FBXL16: variants seen among roughly 807,000 people sequenced by gnomAD.
FBXL16 encodes the protein F-box/LRR-repeat protein 16.
FBXL16 carries 7 observed loss-of-function variants against 36.7 expected under a neutral mutation model. The ratio of observed to expected loss-of-function variants is 0.19; its 90% CI spans 0.11 to 0.36. The LOEUF (loss-of-function observed/expected upper bound fraction) is 0.36. Among genes scored for constraint, FBXL16 ranks in the 10% least tolerant of loss-of-function variants. The pLI, the probability that FBXL16 is intolerant of heterozygous loss-of-function variation, is 1.00. For missense variants in FBXL16, 463 were observed against 659.4 expected (o/e 0.70, Z 3.26); for synonymous variants, 355 against 308.7 (o/e 1.15, Z -1.57).
intron 3 of FBXL16, 21 bp downstream of exon 3, chr16:695,394 G>C: frequency 1.3e-6 from 2 of 1,505,132 alleles, no homozygotes; most frequent in Middle Eastern, 2.0e-4. Context: ...GCCCCGCCCG[G>C]CGCGGCCCGG....
At chr16:704,827 C>G (rs2040079927) in intron 1 of FBXL16, among the ~76,000 whole-genome samples, 1 of 152,228 alleles carries the variant, frequency 6.6e-6, no homozygotes, top group Non-Finnish European at 1.5e-5. Flanking sequence ...GCCGCTGGGC[C>G]GTCAGTTCCT....
chr16:702,216 C>T (rs926348443), intron 1 of FBXL16, among the ~76,000 whole-genome samples: 12 of 152,140 alleles, frequency 7.9e-5, no homozygotes, highest in African/African-American at 2.9e-4. Context: ...GATGCCACAG[C>T]CCAGCCATGC....
At position 694,244 on chromosome 16, in the gene FBXL16, G is replaced by A; in HGVS notation, c.*31C>T. On this transcript the variant is annotated 3_prime_UTR_variant, in exon 6 of 6. Transcript: ENST00000397621. Reference sequence around the variant, plus strand: ...CCGCGCCCCCGCCCAGGTCATGGCCGGGTTCCCGCGACCGGGGCGGGGGCC... The same window carrying A: ...CCGCGCCCCCGCCCAGGTCATGGCCAGGTTCCCGCGACCGGGGCGGGGGCC... 1 of 1,314,212 alleles carries A rather than the reference G, an allele frequency of 7.6e-7. No homozygotes were observed. The allele number at this position is 1,314,212 out of a possible 1,614,324, so 81.4% of individuals were successfully genotyped here.
Position 696,788 on chromosome 16 carries a change from C to T in FBXL16, c.618G>A (p.Thr206=), listed in dbSNP as rs749578968. ...TGGTGCACACCTCGAGGCCTGCGTC[C>T]GTGATGGTGGAGCGCTTGAGGCTCA... ...KAMSLKRSTI[T]DAGLEVMLEQ... is the part of the protein sequence containing the mutation. The change falls in exon 2 of 6, where the codon ACG becomes ACA. Residue 206 remains threonine (T), a synonymous_variant. Transcript: ENST00000397621. 70 of 1,369,320 alleles carry T rather than the reference C, an allele frequency of 5.1e-5. 1 individual carries two copies. The Middle Eastern group carries it at 5.7e-4, about 11-fold the overall frequency. The allele number at this position is 1,369,320 out of a possible 1,614,324, so 84.8% of individuals were successfully genotyped here. A position where few individuals can be genotyped will look rare whatever the true frequency, so the allele number is the denominator to read the frequency against.
At chr16:701,575 C>T (rs1173939194) in intron 1 of FBXL16, among the ~76,000 whole-genome samples, 2 of 152,222 alleles carry the variant, frequency 1.3e-5, no homozygotes, top group Non-Finnish European at 2.9e-5. Flanking sequence ...GGGGCTCACA[C>T]AAGGGCCCCT....
At chr16:694,572 C>A (rs2039995878) in intron 5 of FBXL16, 62 bp downstream of exon 5, 3 of 1,537,408 alleles carry the variant, frequency 2.0e-6, no homozygotes, top group Admixed American at 1.9e-5. Context: ...GCAGGTTGGG[C>A]GGGTGGACTA....
At position 696,636 on chromosome 16, in the gene FBXL16, T is replaced by A. The variant is rs1218706219; in HGVS notation, c.633+137A>T. The A allele has an allele frequency of 8.3e-6, 4 of 479,312 alleles. No individual in the cohort carries two copies. The East Asian group carries it at 2.4e-4, about 29-fold the overall frequency. 29.7% of individuals were successfully genotyped at this position (479,312 alleles called of 1,614,324 possible). On this transcript the variant is annotated intron_variant, in intron 2 of 5. Coordinates refer to ENST00000397621, the MANE Select transcript of FBXL16 (RefSeq NM_153350.4). ...GTGTCTTTGAACAAGGGACCCACAT[T>A]TTCGCTTTGCGCGAGGTCCCCTGTA...
chr16:695,093 G>A lies in FBXL16; in HGVS notation c.1143-17C>T. On this transcript the variant is annotated splice_polypyrimidine_tract_variant and intron_variant, in intron 3 of 5. Coordinates refer to ENST00000397621, the MANE Select transcript of FBXL16 (RefSeq NM_153350.4). ...CGTACACACCTGTGGTTGCACCAGA[G>A]GGGACCCCCACCTTCAAATCACCTG... 6.2e-7 allele frequency: 1 copy of A among 1,600,842 alleles called. No individual in the cohort carries two copies. Among genetic ancestry groups the A allele is most frequent in the Non-Finnish European group, 8.5e-7 (1 of 1,174,058 alleles).
In FBXL16 at chr16:694,542, TGA is replaced by T. The variant is rs2039995660; in HGVS notation, c.1291+90_1291+91del. On this transcript the variant is annotated intron_variant, in intron 5 of 5. Coordinates refer to ENST00000397621, the MANE Select transcript of FBXL16 (RefSeq NM_153350.4). ...CGGGACTGTGTGTCCGCGCCGGGTG[TGA>T]GTTTGCACAAGGACCGGGCAGGTTG... 2.0e-6 allele frequency: 3 copies of T among 1,517,598 alleles called. No individual in the cohort carries two copies. In the East Asian group the frequency reaches 7.4e-5, roughly 37 times the overall value. 94.0% of individuals were successfully genotyped at this position (1,517,598 alleles called of 1,614,324 possible).
rs1017064265 is a variant in FBXL16 at position 697,450 on chromosome 16, T to C, written c.-14-31A>G. Reference sequence around the variant, plus strand: ...GATGAGGGCCGGGAGGGGGAGTGAGTCTGTTGCTGAGTCTGGAAGGCCGGG... The same window carrying C: ...GATGAGGGCCGGGAGGGGGAGTGAGCCTGTTGCTGAGTCTGGAAGGCCGGG... On this transcript the variant is annotated intron_variant, in intron 1 of 5. Coordinates refer to ENST00000397621, the MANE Select transcript of FBXL16 (RefSeq NM_153350.4). This position sits in a 1 kb window ranked among gnomAD's most constrained non-coding sequence, Gnocchi z 4.6. The C allele has an allele frequency of 6.7e-7, 1 of 1,500,012 alleles. No individual in the cohort carries two copies. Among genetic ancestry groups the C allele is most frequent in the African/African-American group, 1.4e-5 (1 of 71,678 alleles). The allele number at this position is 1,500,012 out of a possible 1,614,324, so 92.9% of individuals were successfully genotyped here.
intron 1 of FBXL16, among the ~76,000 whole-genome samples, chr16:703,452 G>A (rs1177113073): frequency 6.6e-6 from 1 of 152,222 alleles, no homozygotes; most frequent in Non-Finnish European, 1.5e-5. Context: ...CCTGCCTGCA[G>A]AGGGCCTTAG....
chr16:705,111 C>A (rs2040082438), intron 1 of FBXL16, among the ~76,000 whole-genome samples: 1 of 152,166 alleles, frequency 6.6e-6, no homozygotes, highest in South Asian at 2.1e-4. Context: ...TCAGGCCGCA[C>A]ATCCACGCGA....
chr16:698,945 GAAAAAGAAAAAAAGA>G (rs1325535331), intron 1 of FBXL16, among the ~76,000 whole-genome samples: 2 of 132,506 alleles, frequency 1.5e-5, no homozygotes, highest in African/African-American at 5.4e-5. Flanking sequence ...AAGAAAGAAA[GAAAAAGAAAAAAAGA>G]AAAGAAAAAG....
chr16:698,913 C>CAAAA (rs767619638), intron 1 of FBXL16, among the ~76,000 whole-genome samples: 2,968 of 88,250 alleles, frequency 0.034, 206 homozygotes, highest in African/African-American at 0.11. Flanking sequence ...GACTTTGTCT[C>CAAAA]AAAAAAAAAA....
chr16:697,030 G>A lies in FBXL16; in HGVS notation c.376C>T (p.Arg126Cys), dbSNP rs1015024619. 14 of 1,597,388 alleles carry A rather than the reference G, an allele frequency of 8.8e-6. No homozygotes were observed. Among genetic ancestry groups the A allele is most frequent in the Admixed American group, 1.7e-5 (1 of 57,972 alleles). The change falls in exon 2 of 6, where the codon CGC (arginine) becomes TGC (cysteine). Residue 126 changes from arginine to cysteine, a missense_variant. Coordinates refer to ENST00000397621, the MANE Select transcript of FBXL16 (RefSeq NM_153350.4). The surrounding 1 kb of genome is among the most constrained non-coding windows in gnomAD (Gnocchi z 4.6). ...VLAQVCKAWR[R>C]VLYQPKFWAG... Reference sequence around the variant, plus strand: ...CAGAACTTGGGCTGGTACAGCACGCGCCGCCAGGCCTTGCACACCTGGGCC... The same window carrying A: ...CAGAACTTGGGCTGGTACAGCACGCACCGCCAGGCCTTGCACACCTGGGCC...
At chr16:694,613 G>A (rs779959884) in intron 5 of FBXL16, 21 bp downstream of exon 5, 1 of 1,604,246 alleles carries the variant, frequency 6.2e-7, no homozygotes, top group Non-Finnish European at 8.5e-7. Context: ...GCCAGCGTCA[G>A]AGCAGAAACG....
At chr16:695,341 G>GCAGCC (rs1416584123) in intron 3 of FBXL16, 74 bp downstream of exon 3, 3 of 1,082,770 alleles carry the variant, frequency 2.8e-6, no homozygotes, top group African/African-American at 3.4e-5. Context: ...CCGGCCCCGT[G>GCAGCC]CAGCCCCGCC....
chr16:697,290 G>C lies in FBXL16; in HGVS notation c.116C>G (p.Thr39Arg). ...GCAGGGGCGGTTCTTGGTGGCTGGC[G>C]TGCCCTTGGTGATGCTGGCCGCACC... ...GLGAASITKG[T>R]PATKNRPCQP... The change falls in exon 2 of 6, where the codon ACG (threonine) becomes AGG (arginine). Residue 39 changes from threonine (T) to arginine (R), a missense_variant. Coordinates refer to ENST00000397621, the MANE Select transcript of FBXL16 (RefSeq NM_153350.4). The surrounding 1 kb of genome is among the most constrained non-coding windows in gnomAD (Gnocchi z 4.6). 2 of 1,528,790 alleles carry C rather than the reference G, an allele frequency of 1.3e-6. No individual in the cohort carries two copies. Among genetic ancestry groups the C allele is most frequent in the Non-Finnish European group, 1.7e-6 (2 of 1,143,360 alleles). 94.7% of individuals were successfully genotyped at this position (1,528,790 alleles called of 1,614,324 possible).
chr16:694,729 TC>T, intron 4 of FBXL16, 32 bp from the exon 5 acceptor site: 1 of 1,583,536 alleles, frequency 6.3e-7, no homozygotes, highest in Non-Finnish European at 8.6e-7. Flanking sequence ...CTTAACGATT[TC>T]CGCTCGCACC....
Sources: gnomAD v4.1 joint callset for allele counts (sites outside exome capture counted in the v4.1 genomes callset) on GRCh38, gnomAD v4.1.1 for gene constraint, Gnocchi (gnomAD v3.1) non-coding constraint, MANE v1.5 for transcripts, NCBI Gene and HGNC (gene_info 2026-07-23, HGNC 2026-07-21) for gene names.